TRIM3: variants seen among roughly 807,000 people sequenced by gnomAD.
TRIM3 encodes tripartite motif containing 3.
A neutral mutation model predicts 66.6 loss-of-function variants in TRIM3; 13 were observed. The observed-to-expected ratio is 0.20, with a 90% confidence interval of 0.13 to 0.31. The LOEUF (loss-of-function observed/expected upper bound fraction) is 0.31, where lower values mean the gene tolerates loss of function less well. Among genes scored for constraint, TRIM3 ranks in the 10% least tolerant of loss-of-function variants. The pLI is 1.00. For synonymous variants in TRIM3, 406 were observed against 411.7 expected, an observed-to-expected ratio of 0.99 and a Z score of 0.17; for missense variants, 711 against 1,020.4, an observed-to-expected ratio of 0.70 and a Z score of 4.13.
At chr11:6,470,505 C>T (rs561799505) in intron 1 of TRIM3, among the ~76,000 whole-genome samples, 41 of 152,286 alleles carry the variant, frequency 2.7e-4, no homozygotes, top group African/African-American at 9.1e-4. Context: ...CTGGGCTCAA[C>T]TAATCCTCCT....
At position 6,450,210 on chromosome 11, in the gene TRIM3, T is replaced by C. The variant is rs765675504; in HGVS notation, c.1941+341A>G. 5 of 257,078 alleles carry C rather than the reference T, an allele frequency of 1.9e-5. No homozygotes were observed. Among genetic ancestry groups the C allele is most frequent in the Middle Eastern group, 4.9e-4 (1 of 2,060 alleles). 15.9% of individuals were successfully genotyped at this position (257,078 alleles called of 1,614,324 possible). ...ACTTGTGCTTGAGGTCCTCCTCATA[T>C]AGTCTTTCCTGAATCATACACTTCT... is the stretch of plus-strand genomic sequence containing the variant. On this transcript the variant is annotated intron_variant, in intron 10 of 11. Transcript: ENST00000345851. This position sits in a 1 kb window ranked among gnomAD's most constrained non-coding sequence, Gnocchi z 4.8.
chr11:6,470,779 A>G (rs1162664209), intron 1 of TRIM3, among the ~76,000 whole-genome samples: 1 of 152,208 alleles, frequency 6.6e-6, no homozygotes, highest in Admixed American at 6.5e-5. Context: ...AGGAGGGTCT[A>G]TCACCAAGTC....
At position 6,449,465 on chromosome 11, in the gene TRIM3, AGGGACTG is replaced by A. The variant is rs1331444714; in HGVS notation, c.1942-26_1942-20del. 6.2e-7 allele frequency: 1 copy of A among 1,608,456 alleles called. No individual in the cohort carries two copies. Among genetic ancestry groups the A allele is most frequent in the African/African-American group, 1.3e-5 (1 of 74,836 alleles). On this transcript the variant is annotated intron_variant, in intron 10 of 11. Transcript: ENST00000345851. The surrounding 1 kb of genome is among the most constrained non-coding windows in gnomAD (Gnocchi z 5.3). ...TGTACACCTGGCGGGGGAAGGGGCT[AGGGACTG>A]GGGACCTGGCCTCAGGCAGAGGGTA...
In TRIM3 at chr11:6,457,524, G is replaced by T; in HGVS notation, c.516-48C>A. On this transcript the variant is annotated intron_variant, in intron 4 of 11. Coordinates refer to ENST00000345851, the MANE Select transcript of TRIM3 (RefSeq NM_033278.4). This position sits in a 1 kb window ranked among gnomAD's most constrained non-coding sequence, Gnocchi z 4.5. ...CAGAGTTGCTGAGGGTGGCTTTGCC[G>T]AACTTTCCCTTCTCCCTGGGGAACC... 3 of 1,594,590 alleles carry T rather than the reference G, an allele frequency of 1.9e-6. No homozygotes were observed. The highest frequency in any genetic ancestry group is 4.6e-4 in the Middle Eastern group (2 of 4,392).
Position 6,457,179 on chromosome 11 carries a change from A to C in TRIM3, c.696+117T>G. 6.6e-7 allele frequency: 1 copy of C among 1,520,580 alleles called. No individual in the cohort carries two copies. Among genetic ancestry groups the C allele is most frequent in the Non-Finnish European group, 8.9e-7 (1 of 1,124,130 alleles). The allele number at this position is 1,520,580 out of a possible 1,614,324, so 94.2% of individuals were successfully genotyped here. ...CCACAGCACCTACCGAGGGCATGTC[A>C]GGAGGCAGAATATCTAGGCTGGGGA... is the stretch of plus-strand genomic sequence containing the variant. On this transcript the variant is annotated intron_variant, in intron 5 of 11. Coordinates refer to ENST00000345851, the MANE Select transcript of TRIM3 (RefSeq NM_033278.4). This position sits in a 1 kb window ranked among gnomAD's most constrained non-coding sequence, Gnocchi z 4.5.
upstream of TRIM3, chr11:6,474,082 C>G (rs1004564009): frequency 4.0e-5 from 6 of 151,100 alleles, no homozygotes; most frequent in African/African-American, 1.5e-4. Flanking sequence ...ACCCGCACGC[C>G]CCCCCGCCAA....
intron 7 of TRIM3, chr11:6,452,682 A>G (rs1368543182): frequency 6.6e-6 from 1 of 152,248 alleles, no homozygotes; most frequent in Non-Finnish European, 1.5e-5. Context: ...GACAGCACTC[A>G]TCAGTATGAG....
chr11:6,466,277 G>A (rs1174754270), intron 1 of TRIM3, among the ~76,000 whole-genome samples: 1 of 152,148 alleles, frequency 6.6e-6, no homozygotes, highest in Non-Finnish European at 1.5e-5. Flanking sequence ...ATTGCTTCCT[G>A]AATATCTTAA....
In TRIM3 at chr11:6,450,620, C is replaced by T; in HGVS notation, c.1872G>A (p.Gly624=). 1 of 1,614,050 alleles carries T rather than the reference C, an allele frequency of 6.2e-7. No individual in the cohort carries two copies. Among genetic ancestry groups the T allele is most frequent in the Non-Finnish European group, 8.5e-7 (1 of 1,179,972 alleles). ...GRGATDRHFA[G]PHFVAVNNKN... ...TGTTGTTCACAGCCACAAAATGGGG[C>T]CCTGAAAATACAAAGTGGTCTTCAG... Residue 624 remains glycine (G), a splice_region_variant and synonymous_variant, in exon 10 of 12, where the codon GGG becomes GGA. Transcript: ENST00000345851. This position sits in a 1 kb window ranked among gnomAD's most constrained non-coding sequence, Gnocchi z 4.8.
Position 6,450,552 on chromosome 11 carries a change from T to C in TRIM3, c.1940A>G (p.Lys647Arg). ...CACGGAGGGAGGGAAGACACTGACC[T>C]TCACTGAATGGTTATGGAAGTCCGT... is the stretch of plus-strand genomic sequence containing the variant. ...VVTDFHNHSV[K>R]VYSADGEFLF... Residue 647 changes from lysine (K) to arginine (R), a missense_variant and splice_region_variant, in exon 10 of 12, where the codon AAG (lysine) becomes AGG (arginine). Lys to Arg is a conservative substitution (Grantham distance 26). Coordinates refer to ENST00000345851, the MANE Select transcript of TRIM3 (RefSeq NM_033278.4). This position sits in a 1 kb window ranked among gnomAD's most constrained non-coding sequence, Gnocchi z 4.8. 6.2e-7 allele frequency: 1 copy of C among 1,614,070 alleles called. No homozygotes were observed. Among genetic ancestry groups the C allele is most frequent in the Non-Finnish European group, 8.5e-7 (1 of 1,179,912 alleles).
At position 6,456,816 on chromosome 11, in the gene TRIM3, C is replaced by T. The variant is rs780547892; in HGVS notation, c.910G>A (p.Gly304Ser). ...AQLELVLEVD[G>S]LRRSVLNLGA... Reference sequence around the variant, plus strand: ...AGATTGAGCACCGATCGCCGCAGACCGTCCACCTCAAGGACCAGTTCCAGC... The same window carrying T: ...AGATTGAGCACCGATCGCCGCAGACTGTCCACCTCAAGGACCAGTTCCAGC... Residue 304 changes from glycine to serine, a missense_variant, in exon 6 of 12, where the codon GGT (glycine) becomes AGT (serine). Physicochemically the swap from Gly to Ser is moderately conservative, Grantham distance 56. Around this residue, in one of 3 missense-constraint regions of TRIM3, gnomAD observed 399 missense variants for 458.1 expected, o/e 0.87. Transcript: ENST00000345851. This position sits in a 1 kb window ranked among gnomAD's most constrained non-coding sequence, Gnocchi z 6.4. 1.2e-5 allele frequency: 20 copies of T among 1,612,760 alleles called. 1 individual carries two copies. In the Middle Eastern group the frequency reaches 6.6e-4, roughly 53 times the overall value.
At chr11:6,473,490 C>T (rs964773095) in intron 1 of TRIM3, among the ~76,000 whole-genome samples, 1 of 151,990 alleles carries the variant, frequency 6.6e-6, no homozygotes, top group East Asian at 1.9e-4. Flanking sequence ...CCACCACCAC[C>T]ACCCTCGGCC....
chr11:6,453,013 C>T (rs1192770571), intron 7 of TRIM3: 1 of 152,196 alleles, frequency 6.6e-6, no homozygotes, highest in Non-Finnish European at 1.5e-5. Flanking sequence ...CTTTACAGCT[C>T]TCTTCATAAC....
Position 6,451,058 on chromosome 11 carries a change from G to A in TRIM3, c.1704C>T (p.Thr568=). The A allele has an allele frequency of 6.2e-7, 1 of 1,614,076 alleles. No individual in the cohort carries two copies. The highest frequency in any genetic ancestry group is 1.7e-5 in the Admixed American group (1 of 60,026). Reference sequence around the variant, plus strand: ...CCATGAGGCGGCCAGCTCCAATCTTGGTCTGGAGGAAGAGAATATCCATAA... The same window carrying A: ...CCATGAGGCGGCCAGCTCCAATCTTAGTCTGGAGGAAGAGAATATCCATAA... ...SIFSPEGKFK[T]KIGAGRLMGP... The change falls in exon 9 of 12, where the codon ACC becomes ACT. Residue 568 remains threonine, a splice_region_variant and synonymous_variant. Coordinates refer to ENST00000345851, the MANE Select transcript of TRIM3 (RefSeq NM_033278.4).
chr11:6,456,502 T>A lies in TRIM3; in HGVS notation c.1224A>T (p.Pro408=). The change falls in exon 6 of 12, where the codon CCA becomes CCT. Residue 408 remains proline (P), a synonymous_variant. Coordinates refer to ENST00000345851, the MANE Select transcript of TRIM3 (RefSeq NM_033278.4). The surrounding 1 kb of genome is among the most constrained non-coding windows in gnomAD (Gnocchi z 6.4). ...LLLSVLLYGQ[P]VRGSPFRVRA... ...GCACGCGGAAGGGGCTGCCGCGCAC[T>A]GGCTGTCCGTAGAGCAGCACCGAGA... is the stretch of plus-strand genomic sequence containing the variant. 1 of 1,577,048 alleles carries A rather than the reference T, an allele frequency of 6.3e-7. No individual in the cohort carries two copies. Among genetic ancestry groups the A allele is most frequent in the African/African-American group, 1.3e-5 (1 of 74,228 alleles).
intron 1 of TRIM3, among the ~76,000 whole-genome samples, chr11:6,471,454 T>A (rs1379019383): frequency 6.6e-6 from 1 of 152,154 alleles, no homozygotes; most frequent in Non-Finnish European, 1.5e-5. Context: ...TTAAATAAGA[T>A]TAGCAGGGAA....
In TRIM3 at chr11:6,449,553, T is replaced by G; in HGVS notation, c.1942-107A>C. The G allele has an allele frequency of 9.1e-7, 1 of 1,099,476 alleles. No homozygotes were observed. The highest frequency in any genetic ancestry group is 2.6e-5 in the East Asian group (1 of 38,744). The allele number at this position is 1,099,476 out of a possible 1,614,324, so 68.1% of individuals were successfully genotyped here. A position where few individuals can be genotyped will look rare whatever the true frequency, so the allele number is the denominator to read the frequency against. On this transcript the variant is annotated intron_variant, in intron 10 of 11. Coordinates refer to ENST00000345851, the MANE Select transcript of TRIM3 (RefSeq NM_033278.4). This position sits in a 1 kb window ranked among gnomAD's most constrained non-coding sequence, Gnocchi z 5.3. ...AGGGCTGAGAACCCCCACCCAGATCTACAGCTACAGCCCAAATCTGCTTCA... is the reference window on the plus strand; with the variant it reads ...AGGGCTGAGAACCCCCACCCAGATCGACAGCTACAGCCCAAATCTGCTTCA...
Position 6,450,383 on chromosome 11 carries a change from G to T in TRIM3, c.1941+168C>A. The T allele has an allele frequency of 1.6e-6, 1 of 632,824 alleles. No homozygotes were observed. The highest frequency in any genetic ancestry group is 2.8e-6 in the Non-Finnish European group (1 of 355,018). The allele number at this position is 632,824 out of a possible 1,614,324, so 39.2% of individuals were successfully genotyped here. On this transcript the variant is annotated intron_variant, in intron 10 of 11. Coordinates refer to ENST00000345851, the MANE Select transcript of TRIM3 (RefSeq NM_033278.4). This position sits in a 1 kb window ranked among gnomAD's most constrained non-coding sequence, Gnocchi z 4.8. ...TGCTTTGTGCATCACTGTATCTCCA[G>T]CTTCTAGCATACTGCCTGGGACAAA...
chr11:6,465,030 T>G (rs1850398207), intron 2 of TRIM3, among the ~76,000 whole-genome samples: 1 of 151,358 alleles, frequency 6.6e-6, no homozygotes, highest in South Asian at 2.1e-4. Context: ...ATCTTATCTG[T>G]TTTTGCTCAT....
Sources: allele counts gnomAD v4.1 joint callset (sites outside exome capture counted in the v4.1 genomes callset), GRCh38; gene constraint gnomAD v4.1.1; regional missense constraint gnomAD v4.1.1; non-coding constraint Gnocchi (gnomAD v3.1); transcripts MANE v1.5; gene names NCBI Gene and HGNC (gene_info 2026-07-23, HGNC 2026-07-21).